The following PAICS variants were observed in gnomAD, a reference collection of about 807,000 sequenced individuals.
The protein encoded by PAICS is phosphoribosylaminoimidazole carboxylase and phosphoribosylaminoimidazolesuccinocarboxamide synthase, also known as bifunctional phosphoribosylaminoimidazole carboxylase/phosphoribosylaminoimidazole succinocarboxamide synthetase.
Under a neutral mutation model 53.7 loss-of-function variants are expected in PAICS, and 33 were observed. That is an observed-to-expected ratio of 0.61 (90% CI 0.47 to 0.82). PAICS has a LOEUF of 0.82. Ranked by LOEUF, PAICS falls within the 40% of genes least tolerant of loss-of-function variation. The pLI is 0.00. For synonymous variants in PAICS, 141 were observed against 167.2 expected (o/e 0.84, Z 1.21); for missense variants, 394 against 494.1 (o/e 0.80, Z 1.92).
chr4:56,435,962 G>T (rs575763486), upstream of PAICS: 3 of 1,507,202 alleles, frequency 2.0e-6, no homozygotes, highest in Non-Finnish European at 1.8e-6. Context: ...TCCCGCAGCC[G>T]AGAAGGGGCC....
At chr4:56,410,933 AG>A in the PAICS span, 95 of 936,400 alleles carry the variant, frequency 1.0e-4, 1 homozygote, top group South Asian at 4.0e-3. Flanking sequence ...AAAAAAGAAA[AG>A]TACTCTTGTT....
the PAICS span, chr4:56,422,854 T>C: frequency 6.6e-6 from 1 of 152,210 alleles, no homozygotes; most frequent in Admixed American, 6.5e-5. Flanking sequence ...TCTCCAAGTG[T>C]AGCAGCATCA....
At chr4:56,410,870 C>T in the PAICS span, 1 of 970,274 alleles carries the variant, frequency 1.0e-6, no homozygotes, top group Non-Finnish European at 1.2e-6. Context: ...AACGCTCAGC[C>T]CAAGTACAGC....
At chr4:56,412,309 CTTT>C in the PAICS span, among the ~76,000 whole-genome samples, 2 of 142,106 alleles carry the variant, frequency 1.4e-5, no homozygotes, top group Non-Finnish European at 1.5e-5. Flanking sequence ...CTCCCATCAC[CTTT>C]TTTTTTTTTT....
At chr4:56,430,149 C>T in the PAICS span, among the ~76,000 whole-genome samples, 1 of 152,160 alleles carries the variant, frequency 6.6e-6, no homozygotes, top group African/African-American at 2.4e-5. Context: ...AAATCTATTT[C>T]ACTGTTGGAC....
intron 8 of PAICS, 38 bp from the exon 9 acceptor site, chr4:56,459,334 G>C: frequency 6.8e-7 from 1 of 1,463,860 alleles, no homozygotes; most frequent in Non-Finnish European, 9.2e-7. Flanking sequence ...ATTACTAATT[G>C]AGCTCAATTT....
At chr4:56,457,069 A>C (rs1719249461) in intron 8 of PAICS, among the ~76,000 whole-genome samples, 1 of 152,156 alleles carries the variant, frequency 6.6e-6, no homozygotes, top group Non-Finnish European at 1.5e-5. Flanking sequence ...TCAGAGAACA[A>C]AAGTTGTCTG....
chr4:56,412,913 T>C, the PAICS span, among the ~76,000 whole-genome samples: 2 of 152,190 alleles, frequency 1.3e-5, no homozygotes, highest in African/African-American at 4.8e-5. Context: ...AACATTTTGG[T>C]TGCATTAAAA....
At chr4:56,431,900 T>C (rs757780411), upstream of PAICS, among the ~76,000 whole-genome samples, 1 of 152,168 alleles carries the variant, frequency 6.6e-6, no homozygotes, top group Non-Finnish European at 1.5e-5. Context: ...GGCATGAACA[T>C]ACCCACACAC....
intron 1 of PAICS, among the ~76,000 whole-genome samples, chr4:56,441,112 CT>C (rs1486293238): frequency 1.1e-4 from 17 of 152,262 alleles, no homozygotes; most frequent in African/African-American, 3.9e-4. Flanking sequence ...CATGCCTCCT[CT>C]TGAATATTAA....
chr4:56,443,182 T>C (rs966079203), intron 2 of PAICS, among the ~76,000 whole-genome samples: 2 of 152,186 alleles, frequency 1.3e-5, no homozygotes, highest in African/African-American at 4.8e-5. Context: ...TTATTTATTT[T>C]ATTTTTTTAT....
intron 8 of PAICS, among the ~76,000 whole-genome samples, chr4:56,456,706 GTTT>G (rs371211011): frequency 7.4e-6 from 1 of 135,500 alleles, no homozygotes; most frequent in Non-Finnish European, 1.6e-5. Flanking sequence ...TGCCTCTGGG[GTTT>G]TTTTTTTTTT....
chr4:56,419,856 A>T, the PAICS span: 18 of 984,650 alleles, frequency 1.8e-5, no homozygotes, highest in Middle Eastern at 5.2e-4. Flanking sequence ...AACAAAATAC[A>T]AAAACCTAAA....
the PAICS span, among the ~76,000 whole-genome samples, chr4:56,426,146 T>C: frequency 6.6e-6 from 1 of 152,192 alleles, no homozygotes; most frequent in Admixed American, 6.5e-5. Context: ...CTAACGCCTG[T>C]AATCCCAACA....
rs948458635 is a variant in PAICS at position 56,436,318 on chromosome 4, G to T, written c.6G>T (p.Ala2=). 1 of 1,601,492 alleles carries T rather than the reference G, an allele frequency of 6.2e-7. No individual in the cohort carries two copies. Among genetic ancestry groups the T allele is most frequent in the Non-Finnish European group, 8.5e-7 (1 of 1,173,822 alleles). The part of the protein sequence containing the change: M[A]TAEVLNIGKK... ...CCCTCAGCCCACTTAGGATAATGGC[G>T]ACAGCTGAGGGTGAGTAACAGGGAT... Residue 2 remains alanine (A), a synonymous_variant, in exon 1 of 9, where the codon GCG becomes GCT. Transcript: ENST00000512576.
the PAICS span, among the ~76,000 whole-genome samples, chr4:56,425,944 T>C: frequency 6.6e-6 from 1 of 152,226 alleles, no homozygotes; most frequent in South Asian, 2.1e-4. Flanking sequence ...ACACTTGACT[T>C]GTCTTTACTT....
chr4:56,448,422 A>T lies in PAICS; in HGVS notation c.398A>T (p.Asp133Val), dbSNP rs1314038157. 1.9e-6 allele frequency: 3 copies of T among 1,576,408 alleles called. No homozygotes were observed. Among genetic ancestry groups the T allele is most frequent in the Admixed American group, 3.7e-5 (2 of 53,640 alleles). The change falls in exon 4 of 9, where the codon GAT becomes GTT. Residue 133 changes from aspartate to valine, a missense_variant. Coordinates refer to ENST00000512576, the MANE Select transcript of PAICS (RefSeq NM_001079524.2). The stretch of plus-strand genomic sequence containing the variant: ...ACTACTATACTTTATTCACAGGATG[A>T]TGCCAATAATGACCCACAGTGGTCT... ...PPKVELFFKD[D>V]ANNDPQWSEE...
At chr4:56,448,909 A>G (rs1718757312) in intron 5 of PAICS, 86 bp downstream of exon 5, 1 of 707,236 alleles carries the variant, frequency 1.4e-6, no homozygotes, top group African/African-American at 1.8e-5. Context: ...AAAGCAAATT[A>G]TTGTTCCTAA....
chr4:56,433,986 G>A (rs568240318), upstream of PAICS, among the ~76,000 whole-genome samples: 1 of 152,178 alleles, frequency 6.6e-6, no homozygotes, highest in South Asian at 2.1e-4. Flanking sequence ...CACCGCGCCT[G>A]GCCATAGTTT....
Sources: allele counts gnomAD v4.1 joint callset (sites outside exome capture counted in the v4.1 genomes callset), GRCh38; gene constraint gnomAD v4.1.1; transcripts MANE v1.5; gene names NCBI Gene and HGNC (gene_info 2026-07-23, HGNC 2026-07-21).